UCHL5: variants seen among roughly 807,000 people sequenced by gnomAD.
UCHL5 encodes ubiquitin C-terminal hydrolase L5.
Under a neutral mutation model 53.8 loss-of-function variants are expected in UCHL5, and 34 were observed. That is an observed-to-expected ratio of 0.63 (90% CI 0.48 to 0.84). The LOEUF is 0.84. Among genes scored for constraint, UCHL5 ranks in the 40% least tolerant of loss-of-function variants. UCHL5 has a pLI of 0.00. For missense variants in UCHL5, 290 were observed against 385.6 expected (o/e 0.75, Z 2.08); for synonymous variants, 111 against 126.3 (o/e 0.88, Z 0.81).
At chr1:193,038,854 C>T (rs892288483) in intron 3 of UCHL5, among the ~76,000 whole-genome samples, 2 of 150,560 alleles carry the variant, frequency 1.3e-5, no homozygotes. Context: ...AAATTAGCCA[C>T]CTGTGCTAGT....
Position 193,049,764 on chromosome 1 carries a change from C to G in UCHL5, c.228G>C (p.Thr76=), listed in dbSNP as rs200634415. The G allele has an allele frequency of 2.7e-5, 43 of 1,610,492 alleles. No homozygotes were observed. In the East Asian group the frequency reaches 9.4e-4, roughly 35 times the overall value. The part of the protein sequence containing the change: ...GSVVQDSRLD[T]IFFAKQVINN... ...ACCATACCTGCTTAGCAAAAAATATCGTGTCAAGTCGGGAGTCCTGAACCA... is the reference window on the plus strand; with the variant it reads ...ACCATACCTGCTTAGCAAAAAATATGGTGTCAAGTCGGGAGTCCTGAACCA... The change falls in exon 3 of 11, where the codon ACG becomes ACC. Residue 76 remains threonine (T), a synonymous_variant. Transcript: ENST00000367454.
intron 7 of UCHL5, 68 bp downstream of exon 7, chr1:193,028,017 T>C: frequency 6.3e-7 from 1 of 1,576,406 alleles, no homozygotes; most frequent in Non-Finnish European, 8.6e-7. Flanking sequence ...AAAATAACAA[T>C]AAAATACAAG....
At chr1:193,020,528 C>T (rs1321475674) in intron 10 of UCHL5, 1 of 1,370,230 alleles carries the variant, frequency 7.3e-7, no homozygotes. Context: ...CACTGATTTA[C>T]AGTATGAACT....
At chr1:193,029,494 C>T (rs774931117) in intron 4 of UCHL5, 38 bp downstream of exon 4, 59 of 1,612,858 alleles carry the variant, frequency 3.7e-5, no homozygotes, top group Non-Finnish European at 4.8e-5. Flanking sequence ...CAAACTTTCA[C>T]AAATATGACA....
Position 193,059,138 on chromosome 1 carries a change from G to A in UCHL5, c.76+47C>T. ...GGGAACCACTCCATGCCCAGCTTGG[G>A]CCTCCTCCCGTGACCCCAGGCCCAG... On this transcript the variant is annotated intron_variant, in intron 1 of 10. Coordinates refer to ENST00000367454, the MANE Select transcript of UCHL5 (RefSeq NM_001199261.3). The surrounding 1 kb of genome is among the most constrained non-coding windows in gnomAD (Gnocchi z 4.9). The A allele has an allele frequency of 6.7e-7, 1 of 1,489,924 alleles. No individual in the cohort carries two copies. Among genetic ancestry groups the A allele is most frequent in the South Asian group, 1.3e-5 (1 of 74,980 alleles). The allele number at this position is 1,489,924 out of a possible 1,614,324, so 92.3% of individuals were successfully genotyped here. A position where few individuals can be genotyped will look rare whatever the true frequency, so the allele number is the denominator to read the frequency against.
At chr1:193,036,888 CA>C (rs1341762578) in intron 3 of UCHL5, among the ~76,000 whole-genome samples, 1 of 151,610 alleles carries the variant, frequency 6.6e-6, no homozygotes, top group Non-Finnish European at 1.5e-5. Flanking sequence ...GATTAAACAA[CA>C]TGTTACTAAA....
chr1:193,038,534 A>C (rs1664437212), intron 3 of UCHL5, among the ~76,000 whole-genome samples: 1 of 152,138 alleles, frequency 6.6e-6, no homozygotes, highest in Non-Finnish European at 1.5e-5. Context: ...ATTTTATTCA[A>C]CGTAATATTG....
intron 2 of UCHL5, among the ~76,000 whole-genome samples, chr1:193,051,280 T>C (rs745831647): frequency 7.2e-5 from 11 of 152,214 alleles, no homozygotes; most frequent in Non-Finnish European, 1.3e-4. Flanking sequence ...AGGAGAAAAG[T>C]TGTTTCTGGC....
chr1:193,040,134 A>G (rs2102656171), intron 3 of UCHL5, among the ~76,000 whole-genome samples: 1 of 152,294 alleles, frequency 6.6e-6, no homozygotes, highest in African/African-American at 2.4e-5. Context: ...ACAAAAGCAA[A>G]AATAAATGAA....
chr1:193,018,495 A>G, intron 10 of UCHL5: 1 of 1,062,626 alleles, frequency 9.4e-7, no homozygotes, highest in East Asian at 6.1e-5. Context: ...TTTTTGGATT[A>G]CCTCCTAGGC....
chr1:193,027,332 T>C (rs1449403779), intron 7 of UCHL5, among the ~76,000 whole-genome samples: 2 of 152,202 alleles, frequency 1.3e-5, no homozygotes, highest in East Asian at 3.8e-4. Flanking sequence ...AAGAGCTTAA[T>C]ATTAAAAATA....
intron 1 of UCHL5, among the ~76,000 whole-genome samples, chr1:193,058,192 A>G (rs1158128469): frequency 6.6e-6 from 1 of 151,976 alleles, no homozygotes; most frequent in Non-Finnish European, 1.5e-5. Flanking sequence ...GCGCCACTGC[A>G]CTCCAGCCTG....
At chr1:193,036,413 G>A (rs1241751310) in intron 3 of UCHL5, among the ~76,000 whole-genome samples, 1 of 149,640 alleles carries the variant, frequency 6.7e-6, no homozygotes, top group African/African-American at 2.5e-5. Flanking sequence ...AGACAGAGAA[G>A]GTCACTACAT....
At position 193,016,113 on chromosome 1, in the gene UCHL5, G is replaced by A; in HGVS notation, c.*238C>T. 4.6e-6 allele frequency: 2 copies of A among 437,848 alleles called. No individual in the cohort carries two copies. Among genetic ancestry groups the A allele is most frequent in the Non-Finnish European group, 8.1e-6 (2 of 247,408 alleles). The allele number at this position is 437,848 out of a possible 1,614,324, so 27.1% of individuals were successfully genotyped here. A position where few individuals can be genotyped will look rare whatever the true frequency, so the allele number is the denominator to read the frequency against. On this transcript the variant is annotated 3_prime_UTR_variant, in exon 11 of 11. Transcript: ENST00000367454. ...AAAACTAACAGTTGTCAGACTCAAT[G>A]TCAAATAATGGAATTTGGGAAAGCA... is the stretch of plus-strand genomic sequence containing the variant.
chr1:193,017,207 T>C (rs902397463), intron 10 of UCHL5, among the ~76,000 whole-genome samples: 5 of 151,792 alleles, frequency 3.3e-5, no homozygotes, highest in Admixed American at 6.6e-5. Flanking sequence ...CAGAAGACAT[T>C]TCTAAAAGCA....
At position 193,023,277 on chromosome 1, in the gene UCHL5, T is replaced by C. The variant is rs558039981; in HGVS notation, c.733-241A>G. On this transcript the variant is annotated intron_variant, in intron 8 of 10. Coordinates refer to ENST00000367454, the MANE Select transcript of UCHL5 (RefSeq NM_001199261.3). ...CAACCTACGCTGTAATATACTCTATTGCCATATTCTCCTAATACACTATAA... is the reference window on the plus strand; with the variant it reads ...CAACCTACGCTGTAATATACTCTATCGCCATATTCTCCTAATACACTATAA... Among the ~76,000 whole-genome samples the C allele has an allele frequency of 5.9e-5, 9 of 152,294 alleles. No individual in the cohort carries two copies. In the East Asian group the frequency reaches 1.7e-3, roughly 29 times the overall value.
chr1:193,057,526 C>T (rs926412048), intron 1 of UCHL5: 1 of 152,214 alleles, frequency 6.6e-6, no homozygotes, highest in Non-Finnish European at 1.5e-5. Context: ...TAGCTTCTCT[C>T]ACTTTATTCC....
At chr1:193,037,740 C>T (rs1388675675) in intron 3 of UCHL5, among the ~76,000 whole-genome samples, 1 of 151,872 alleles carries the variant, frequency 6.6e-6, no homozygotes, top group East Asian at 1.9e-4. Context: ...TAGTAACAAA[C>T]CAAATTCAAA....
At chr1:193,033,061 T>C (rs939298926) in intron 3 of UCHL5, among the ~76,000 whole-genome samples, 36 of 152,088 alleles carry the variant, frequency 2.4e-4, no homozygotes, top group Admixed American at 2.6e-4. Context: ...CATTCTACTA[T>C]AAAGAAACAT....
Sources: allele counts gnomAD v4.1 joint callset (sites outside exome capture counted in the v4.1 genomes callset), GRCh38; gene constraint gnomAD v4.1.1; non-coding constraint Gnocchi (gnomAD v3.1); transcripts MANE v1.5; gene names NCBI Gene and HGNC (gene_info 2026-07-23, HGNC 2026-07-21).